The following STXBP5L variants were observed in gnomAD, a reference collection of about 807,000 sequenced individuals.
STXBP5L encodes the protein syntaxin binding protein 5L.
A neutral mutation model predicts 144.5 loss-of-function variants in STXBP5L; 65 were observed. The ratio of observed to expected loss-of-function variants is 0.45; its 90% CI spans 0.37 to 0.55. The LOEUF is 0.55. Ranked by LOEUF, STXBP5L falls within the 20% of genes least tolerant of loss-of-function variation. The pLI is 0.00. For missense variants in STXBP5L, 1,298 were observed against 1,405.5 expected, an observed-to-expected ratio of 0.92 and a Z score of 1.22; for synonymous variants, 505 against 469.6, an observed-to-expected ratio of 1.08 and a Z score of -0.97.
chr3:121,343,009 C>T (rs4630877), intron 20 of STXBP5L, among the ~76,000 whole-genome samples: 21,849 of 150,384 alleles, frequency 0.15, 1,989 homozygotes, highest in East Asian at 0.45. Flanking sequence ...CCAGCACCTG[C>T]TGTTTCCTGA....
intron 22 of STXBP5L, among the ~76,000 whole-genome samples, chr3:121,394,941 TC>T (rs2046691660): frequency 6.6e-6 from 1 of 152,160 alleles, no homozygotes; most frequent in African/African-American, 2.4e-5. Flanking sequence ...AAAATGAAAT[TC>T]CCTTCAGGTA....
At chr3:120,977,483 C>G (rs980239593) in intron 3 of STXBP5L, among the ~76,000 whole-genome samples, 1 of 152,136 alleles carries the variant, frequency 6.6e-6, no homozygotes, top group African/African-American at 2.4e-5. Flanking sequence ...ACTGATGGGT[C>G]TTGACTGTTT....
intron 9 of STXBP5L, among the ~76,000 whole-genome samples, chr3:121,180,907 A>G (rs1305991236): frequency 1.3e-5 from 2 of 151,356 alleles, no homozygotes. Flanking sequence ...AGAGAAGAGA[A>G]GAGAAAAGAA....
chr3:121,064,165 G>A (rs774918826), intron 5 of STXBP5L, among the ~76,000 whole-genome samples: 1 of 152,178 alleles, frequency 6.6e-6, no homozygotes, highest in Non-Finnish European at 1.5e-5. Context: ...GAAGACTGTG[G>A]AAAGTGTAGT....
chr3:121,273,000 C>A (rs1014027130), intron 18 of STXBP5L, among the ~76,000 whole-genome samples: 1 of 151,904 alleles, frequency 6.6e-6, no homozygotes, highest in Non-Finnish European at 1.5e-5. Flanking sequence ...ACTTTTAATA[C>A]TTTTGTCTTT....
chr3:121,409,579 T>C (rs746814758), intron 23 of STXBP5L, among the ~76,000 whole-genome samples: 1 of 151,926 alleles, frequency 6.6e-6, no homozygotes, highest in South Asian at 2.1e-4. Flanking sequence ...CATTCCCCTA[T>C]CTGATTTTGT....
At chr3:121,008,403 A>T (rs563876811) in intron 3 of STXBP5L, among the ~76,000 whole-genome samples, 1 of 152,142 alleles carries the variant, frequency 6.6e-6, no homozygotes, top group Non-Finnish European at 1.5e-5. Context: ...TCTCTAGTGC[A>T]ACAGTGACTA....
intron 3 of STXBP5L, among the ~76,000 whole-genome samples, chr3:121,013,629 T>C (rs2108152746): frequency 6.6e-6 from 1 of 152,224 alleles, no homozygotes; most frequent in South Asian, 2.1e-4. Flanking sequence ...ATTTGTTTAC[T>C]CTGTTGATAG....
At position 121,210,378 on chromosome 3, in the gene STXBP5L, G is replaced by A. The variant is rs954429858; in HGVS notation, c.956+4377G>A. ...GCAAAAATTTTCTCCCATTCTGTAG[G>A]TTGCCTGTTCACTCTGATGGTCGTT... On this transcript the variant is annotated intron_variant, in intron 10 of 26. Coordinates refer to ENST00000471454, the MANE Select transcript of STXBP5L (RefSeq NM_001308330.2). 2.6e-5 allele frequency among the ~76,000 whole-genome samples: 4 copies of A among 151,946 alleles called. No individual in the cohort carries two copies. The East Asian group carries it at 7.7e-4, about 29-fold the overall frequency.
intron 3 of STXBP5L, among the ~76,000 whole-genome samples, chr3:120,956,477 G>A (rs1032942124): frequency 4.6e-5 from 7 of 151,814 alleles, no homozygotes; most frequent in Non-Finnish European, 8.8e-5. Flanking sequence ...TGTCCTCAAC[G>A]TTTATCCATG....
chr3:121,371,894 C>A (rs1312899646), intron 20 of STXBP5L, among the ~76,000 whole-genome samples: 1 of 152,168 alleles, frequency 6.6e-6, no homozygotes, highest in Non-Finnish European at 1.5e-5. Context: ...AATGGTGGTA[C>A]CGCTGGGAGA....
chr3:121,107,146 C>T (rs1238736512), intron 5 of STXBP5L, among the ~76,000 whole-genome samples: 3 of 151,442 alleles, frequency 2.0e-5, no homozygotes, highest in Non-Finnish European at 4.4e-5. Flanking sequence ...GATGTTAGAC[C>T]TTTGTCAGAT....
intron 3 of STXBP5L, among the ~76,000 whole-genome samples, chr3:120,977,026 T>C: frequency 6.6e-6 from 1 of 152,118 alleles, no homozygotes; most frequent in Admixed American, 6.6e-5. Flanking sequence ...ATTCTGTTGA[T>C]TTGGGGTGGA....
At chr3:120,988,690 A>C (rs527246536) in intron 3 of STXBP5L, among the ~76,000 whole-genome samples, 1 of 152,158 alleles carries the variant, frequency 6.6e-6, no homozygotes, top group East Asian at 1.9e-4. Flanking sequence ...TAGAGATGAA[A>C]GGGGTACAAG....
chr3:121,071,046 G>T (rs1576851526), intron 5 of STXBP5L, among the ~76,000 whole-genome samples: 1 of 152,098 alleles, frequency 6.6e-6, no homozygotes. Context: ...AGTAGGTCTG[G>T]TATAACAGAG....
chr3:121,267,875 T>A (rs2050621003), intron 18 of STXBP5L, among the ~76,000 whole-genome samples: 1 of 152,186 alleles, frequency 6.6e-6, no homozygotes, highest in Non-Finnish European at 1.5e-5. Context: ...TCACGCCAGT[T>A]AGAATGGTGA....
intron 5 of STXBP5L, among the ~76,000 whole-genome samples, chr3:121,052,364 G>A (rs943162657): frequency 6.6e-6 from 1 of 152,124 alleles, no homozygotes; most frequent in Non-Finnish European, 1.5e-5. Flanking sequence ...CTGGCAAACA[G>A]AATCCAGCAG....
Position 121,087,806 on chromosome 3 carries a change from T to C in STXBP5L, c.471-27119T>C, listed in dbSNP as rs376331274. Among the ~76,000 whole-genome samples the C allele has an allele frequency of 4.6e-5, 7 of 152,164 alleles. No individual in the cohort carries two copies. In the East Asian group the frequency reaches 9.6e-4, roughly 21 times the overall value. On this transcript the variant is annotated intron_variant, in intron 5 of 26. Transcript: ENST00000471454. ...TTTAGAATTCCATTTTGACTTATTATTAGTTAATTTTAGTGTATTTCTTTG... is the reference window on the plus strand; with the variant it reads ...TTTAGAATTCCATTTTGACTTATTACTAGTTAATTTTAGTGTATTTCTTTG...
Position 121,255,132 on chromosome 3 carries a change from A to G in STXBP5L, c.1659+20A>G, listed in dbSNP as rs1472087650. The G allele has an allele frequency of 3.9e-6, 6 of 1,540,378 alleles. No homozygotes were observed. The highest frequency in any genetic ancestry group is 5.3e-6 in the Non-Finnish European group (6 of 1,141,666). On this transcript the variant is annotated intron_variant, in intron 16 of 26. Coordinates refer to ENST00000471454, the MANE Select transcript of STXBP5L (RefSeq NM_001308330.2). ...ATAGTGGTAAGTTATTTAAAATTTAACTTTCACTTTTACAGTTATTAAAAG... is the reference window on the plus strand; with the variant it reads ...ATAGTGGTAAGTTATTTAAAATTTAGCTTTCACTTTTACAGTTATTAAAAG...
Sources: allele counts gnomAD v4.1 joint callset (sites outside exome capture counted in the v4.1 genomes callset), GRCh38; gene constraint gnomAD v4.1.1; transcripts MANE v1.5; gene names NCBI Gene and HGNC (gene_info 2026-07-23, HGNC 2026-07-21).